Variants in FOXO3 observed in about 807,000 individuals in gnomAD.
The protein encoded by FOXO3 is forkhead box O3.
Under a neutral mutation model 41.9 loss-of-function variants are expected in FOXO3, and 4 were observed. That is an observed-to-expected ratio of 0.10 (90% CI 0.05 to 0.22). FOXO3 has a LOEUF of 0.22. Ranked by LOEUF, FOXO3 falls within the 10% of genes least tolerant of loss-of-function variation. The probability of loss-of-function intolerance (pLI) is 1.00; values close to 1 mark genes in which losing one functional copy is unlikely to be tolerated. For synonymous variants in FOXO3, 318 were observed against 389.3 expected, an observed-to-expected ratio of 0.82 and a Z score of 2.16; for missense variants, 534 against 906.8, an observed-to-expected ratio of 0.59 and a Z score of 5.28.
At chr6:108,658,548 T>G (rs1238865265) in intron 1 of FOXO3, among the ~76,000 whole-genome samples, 1 of 152,050 alleles carries the variant, frequency 6.6e-6, no homozygotes, top group African/African-American at 2.4e-5. Flanking sequence ...AGGGTTGTGG[T>G]TTTTTGTGTG....
At chr6:108,643,548 T>C (rs2128380124) in intron 1 of FOXO3, among the ~76,000 whole-genome samples, 1 of 152,296 alleles carries the variant, frequency 6.6e-6, no homozygotes, top group Non-Finnish European at 1.5e-5. Flanking sequence ...TTCTATTTTG[T>C]TTTTGATTTT....
At position 108,682,958 on chromosome 6, in the gene FOXO3, A is replaced by C. The variant is rs538733270; in HGVS notation, c.*3166A>C. ...GTTCTCTCCAGGGCTCCAGAACCTG[A>C]TACCTGTTACCAAAGCTAGGAAAGA... On this transcript the variant is annotated 3_prime_UTR_variant, in exon 3 of 3. Transcript: ENST00000406360. 1.3e-4 allele frequency: 20 copies of C among 152,338 alleles called. No homozygotes were observed. The highest frequency in any genetic ancestry group is 4.9e-4 in the African/African-American group (20 of 41,176). 9.4% of individuals were successfully genotyped at this position (152,338 alleles called of 1,614,324 possible).
chr6:108,567,619 G>A (rs953299692), intron 1 of FOXO3, among the ~76,000 whole-genome samples: 4 of 152,194 alleles, frequency 2.6e-5, no homozygotes, highest in Admixed American at 6.5e-5. Context: ...GTGGAGTAAC[G>A]GGTGTGTCCA....
chr6:108,684,376 G>A lies in FOXO3; in HGVS notation c.*4584G>A, dbSNP rs1273356700. 1 of 152,168 alleles carries A rather than the reference G, an allele frequency of 6.6e-6. No homozygotes were observed. The highest frequency in any genetic ancestry group is 1.5e-5 in the Non-Finnish European group (1 of 68,024). The allele number at this position is 152,168 out of a possible 1,614,324, so 9.4% of individuals were successfully genotyped here. On this transcript the variant is annotated 3_prime_UTR_variant, in exon 3 of 3. Coordinates refer to ENST00000406360, the MANE Select transcript of FOXO3 (RefSeq NM_001455.4). ...AAAAAAAAATCTGTATACAGTATCT[G>A]TAAAAACTATCTTATCTGTTTCAAT...
intron 1 of FOXO3, among the ~76,000 whole-genome samples, chr6:108,638,118 G>C (rs1404316171): frequency 6.6e-6 from 1 of 152,138 alleles, no homozygotes; most frequent in African/African-American, 2.4e-5. Flanking sequence ...GCATGCTTGC[G>C]TGTTTCCCCT....
At chr6:108,591,519 G>A (rs753894050) in intron 1 of FOXO3, among the ~76,000 whole-genome samples, 2 of 152,174 alleles carry the variant, frequency 1.3e-5, no homozygotes. Context: ...AAGCAGAAGG[G>A]TTGGAACCCA....
At chr6:108,574,755 T>C (rs746339842) in intron 1 of FOXO3, among the ~76,000 whole-genome samples, 4 of 152,218 alleles carry the variant, frequency 2.6e-5, no homozygotes, top group Non-Finnish European at 5.9e-5. Flanking sequence ...GTGGTTTTAA[T>C]TGGCCACAGG....
chr6:108,613,115 G>C (rs1460083341), intron 1 of FOXO3, among the ~76,000 whole-genome samples: 1 of 152,176 alleles, frequency 6.6e-6, no homozygotes, highest in East Asian at 1.9e-4. Context: ...AATCCCACCT[G>C]GTCTTGATAT....
intron 1 of FOXO3, among the ~76,000 whole-genome samples, chr6:108,614,152 A>C (rs1036835675): frequency 1.3e-5 from 2 of 152,038 alleles, no homozygotes; most frequent in African/African-American, 4.8e-5. Context: ...AATGTTTTCC[A>C]TGTACTTAAA....
At chr6:108,567,989 A>G (rs1433690490) in intron 1 of FOXO3, among the ~76,000 whole-genome samples, 1 of 152,024 alleles carries the variant, frequency 6.6e-6, no homozygotes, top group East Asian at 1.9e-4. Context: ...CGGAGGTTGC[A>G]GTGAGCCAAG....
chr6:108,560,940 T>A lies in FOXO3; in HGVS notation c.-269T>A. 7.7e-7 allele frequency: 1 copy of A among 1,295,880 alleles called. No individual in the cohort carries two copies. Among genetic ancestry groups the A allele is most frequent in the Middle Eastern group, 2.9e-4 (1 of 3,496 alleles). 80.3% of individuals were successfully genotyped at this position (1,295,880 alleles called of 1,614,324 possible). ...GCGGTGTCTGCTGCGCCAGGTTCGC[T>A]GGCCGCACGTCTTCAGGTCCTCCTG... On this transcript the variant is annotated 5_prime_UTR_variant, in exon 1 of 3. Coordinates refer to ENST00000406360, the MANE Select transcript of FOXO3 (RefSeq NM_001455.4).
At position 108,669,503 on chromosome 6, in the gene FOXO3, C is replaced by T. The variant is rs540643910; in HGVS notation, c.*34+4614C>T. On this transcript the variant is annotated intron_variant, in intron 2 of 2. Coordinates refer to ENST00000406360, the MANE Select transcript of FOXO3 (RefSeq NM_001455.4). ...TTATGAATTACCTGGAGAATATATT[C>T]TGCTATTTGTACCTATGACTATAGT... Among the ~76,000 whole-genome samples, 7 of 152,194 alleles carry T rather than the reference C, an allele frequency of 4.6e-5. No individual in the cohort carries two copies. The South Asian group carries it at 1.5e-3, about 32-fold the overall frequency.
At chr6:108,574,345 C>T (rs1160837126) in intron 1 of FOXO3, among the ~76,000 whole-genome samples, 5 of 152,016 alleles carry the variant, frequency 3.3e-5, no homozygotes, top group Non-Finnish European at 2.9e-5. Flanking sequence ...TAGAGTGACG[C>T]ATGGTAGGTA....
intron 1 of FOXO3, among the ~76,000 whole-genome samples, chr6:108,623,336 T>C (rs1777726135): frequency 6.6e-6 from 1 of 152,204 alleles, no homozygotes; most frequent in Non-Finnish European, 1.5e-5. Context: ...GAGTAGAAGA[T>C]ACTGTGGCAG....
Position 108,569,987 on chromosome 6 carries a change from G to GT in FOXO3, c.621+8188dup, listed in dbSNP as rs71015551. On this transcript the variant is annotated intron_variant, in intron 1 of 2. Coordinates refer to ENST00000406360, the MANE Select transcript of FOXO3 (RefSeq NM_001455.4). ...TCCACATCATGTTTTCCCTTGCGTG[G>GT]TTTTTTTTTTTTTTTTTTTTTTTTT... 2.6e-3 allele frequency among the ~76,000 whole-genome samples: 194 copies of GT among 73,256 alleles called. 33 individuals carry two copies. The highest frequency in any genetic ancestry group is 0.01 in the African/African-American group (165 of 16,114). The allele number at this position is 73,256 out of a possible 152,430, so 48.1% of individuals were successfully genotyped here.
chr6:108,584,933 A>G (rs1158677124), intron 1 of FOXO3, among the ~76,000 whole-genome samples: 3 of 146,752 alleles, frequency 2.0e-5, no homozygotes, highest in African/African-American at 7.4e-5. Context: ...ACAGGGTGGT[A>G]GAGCTGGCCC....
intron 1 of FOXO3, among the ~76,000 whole-genome samples, chr6:108,646,562 A>G (rs1422367825): frequency 3.3e-5 from 5 of 152,216 alleles, no homozygotes; most frequent in Non-Finnish European, 5.9e-5. Context: ...TATAACTTCT[A>G]ATAGAACTTA....
intron 2 of FOXO3, among the ~76,000 whole-genome samples, chr6:108,667,262 G>A (rs750233105): frequency 2.0e-5 from 3 of 152,182 alleles, no homozygotes; most frequent in Non-Finnish European, 4.4e-5. Context: ...TTGGGCTAGT[G>A]GAGATTTGAC....
intron 1 of FOXO3, among the ~76,000 whole-genome samples, chr6:108,571,011 A>G (rs1384000046): frequency 2.0e-5 from 3 of 152,160 alleles, no homozygotes; most frequent in Non-Finnish European, 2.9e-5. Context: ...TTTGCTACTC[A>G]GTTCCTGATA....
Sources: gnomAD v4.1 joint callset for allele counts (sites outside exome capture counted in the v4.1 genomes callset) on GRCh38, gnomAD v4.1.1 for gene constraint, MANE v1.5 for transcripts, NCBI Gene and HGNC (gene_info 2026-07-23, HGNC 2026-07-21) for gene names.